SPAG8: variants seen among roughly 807,000 people sequenced by gnomAD.
SPAG8 encodes the protein sperm associated antigen 8.
A neutral mutation model predicts 45.3 loss-of-function variants in SPAG8; 36 were observed. That is an observed-to-expected ratio of 0.80 (90% CI 0.61 to 1.05). The LOEUF is 1.05. Among genes scored for constraint, SPAG8 ranks in the 50% least tolerant of loss-of-function variants. The pLI is 0.00. For synonymous variants in SPAG8, 227 were observed against 232.6 expected, an observed-to-expected ratio of 0.98 and a Z score of 0.22; for missense variants, 573 against 609.2, an observed-to-expected ratio of 0.94 and a Z score of 0.63.
chr9:35,808,731 C>T, downstream of SPAG8: 2 of 1,611,702 alleles, frequency 1.2e-6, no homozygotes, highest in Non-Finnish European at 1.7e-6. This position sits in a 1 kb window ranked among gnomAD's most constrained non-coding sequence, Gnocchi z 4.0. Flanking sequence ...TTCCCAGACT[C>T]TCCCAACCTG....
chr9:35,811,166 G>A lies in SPAG8; in HGVS notation c.864+16C>T, dbSNP rs140134877. ...GGCAGCCTTCAAGAAAAGGGAGCAGGCCAAAACTTTAATACCTCTTCCTCC... is the reference window on the plus strand; with the variant it reads ...GGCAGCCTTCAAGAAAAGGGAGCAGACCAAAACTTTAATACCTCTTCCTCC... On this transcript the variant is annotated intron_variant, in intron 2 of 6. Coordinates refer to ENST00000396638, the MANE Select transcript of SPAG8 (RefSeq NM_001039592.2). The A allele has an allele frequency of 3.7e-4, 571 of 1,557,832 alleles. 4 individuals carry two copies. The East Asian group carries it at 8.9e-3, about 24-fold the overall frequency.
At chr9:35,808,918 A>G (rs1035923541), downstream of SPAG8, 1 of 1,080,968 alleles carries the variant, frequency 9.3e-7, no homozygotes, top group South Asian at 1.2e-5. The surrounding 1 kb of genome is among the most constrained non-coding windows in gnomAD (Gnocchi z 4.0). Context: ...TTCTTTTCAT[A>G]ATCCCTCCAA....
intron 5 of SPAG8, 51 bp from the exon 6 acceptor site, chr9:35,810,360 C>A: frequency 6.2e-7 from 1 of 1,612,942 alleles, no homozygotes; most frequent in Non-Finnish European, 8.5e-7. Flanking sequence ...TCTCTCTCAA[C>A]CTCTGGGCTT....
chr9:35,812,162 T>C lies in SPAG8; in HGVS notation c.-15A>G, dbSNP rs370535759. 2.5e-6 allele frequency: 4 copies of C among 1,603,370 alleles called. No homozygotes were observed. The highest frequency in any genetic ancestry group is 3.4e-6 in the Non-Finnish European group (4 of 1,179,918). ...TTGGTCTCCATCTTCAGACTCCAGC[T>C]ACTGGGTTGCCATAGAGACAGCAAA... On this transcript the variant is annotated 5_prime_UTR_variant, in exon 1 of 7. The change abolishes the stop of an existing upstream ORF in the 5' untranslated region. Coordinates refer to ENST00000396638, the MANE Select transcript of SPAG8 (RefSeq NM_001039592.2).
chr9:35,808,225 T>C (rs1828520978), downstream of SPAG8: 2 of 1,614,234 alleles, frequency 1.2e-6, no homozygotes, highest in South Asian at 2.2e-5. This position sits in a 1 kb window ranked among gnomAD's most constrained non-coding sequence, Gnocchi z 4.0. Context: ...CATTTCCTGA[T>C]GGCAGAGCCT....
downstream of SPAG8, chr9:35,808,166 T>C: frequency 6.2e-7 from 1 of 1,610,148 alleles, no homozygotes; most frequent in Non-Finnish European, 8.5e-7. The surrounding 1 kb of genome is among the most constrained non-coding windows in gnomAD (Gnocchi z 4.0). Context: ...GGGCCTGCTT[T>C]ACCTCCTCAC....
rs758910799 is a variant in SPAG8, at chr9:35,810,695, TG to T, written c.1040-14del. 11 of 1,613,406 alleles carry T rather than the reference TG, an allele frequency of 6.8e-6. No homozygotes were observed. The highest frequency in any genetic ancestry group is 9.3e-6 in the Non-Finnish European group (11 of 1,179,798). On this transcript the variant is annotated splice_polypyrimidine_tract_variant and intron_variant, in intron 3 of 6. Coordinates refer to ENST00000396638, the MANE Select transcript of SPAG8 (RefSeq NM_001039592.2). ...GCTTCACGCTTCCCTGTGAGAGAGT[TG>T]GGGGGTGGGCAAGGTGGGGTCTGGT...
downstream of SPAG8, chr9:35,809,230 G>C: frequency 6.2e-7 from 1 of 1,614,094 alleles, no homozygotes; most frequent in Non-Finnish European, 8.5e-7. The surrounding 1 kb of genome is among the most constrained non-coding windows in gnomAD (Gnocchi z 4.1). Context: ...AGAGCTTCGG[G>C]GGGATGTGGA....
Position 35,811,570 on chromosome 9 carries a change from G to A in SPAG8, c.476C>T (p.Ser159Phe). Residue 159 changes from serine to phenylalanine, a missense_variant, in exon 2 of 7, where the codon TCT becomes TTT. Coordinates refer to ENST00000396638, the MANE Select transcript of SPAG8 (RefSeq NM_001039592.2). The stretch of plus-strand genomic sequence containing the variant: ...AGAGCCACAGCCAGGACCAGAGCCA[G>A]AGCCAGAGCCATGGCCAGCACCTGA... ...SSSGAGHGSG[S>F]GSGPGCGSVP... is the part of the protein sequence containing the mutation. The A allele has an allele frequency of 6.2e-7, 1 of 1,613,216 alleles. No individual in the cohort carries two copies. Among genetic ancestry groups the A allele is most frequent in the Non-Finnish European group, 8.5e-7 (1 of 1,179,504 alleles).
Position 35,811,042 on chromosome 9 carries a change from G to A in SPAG8, c.880C>T (p.Leu294=). 1 of 1,613,516 alleles carries A rather than the reference G, an allele frequency of 6.2e-7. No individual in the cohort carries two copies. Among genetic ancestry groups the A allele is most frequent in the Non-Finnish European group, 8.5e-7 (1 of 1,179,668 alleles). ...TCCTGCATGCTTGGGACTTGATCCAGGTGGTTGGTGGCTCTCTGTGGATCC... is the reference window on the plus strand; with the variant it reads ...TCCTGCATGCTTGGGACTTGATCCAAGTGGTTGGTGGCTCTCTGTGGATCC... ...NWEEERATNH[L]DQVPSMQDGS... is the part of the protein sequence containing the mutation. The change falls in exon 3 of 7, where the codon CTG becomes TTG. Residue 294 remains leucine, a synonymous_variant. Transcript: ENST00000396638.
At chr9:35,810,859 G>A (rs1364115938) in intron 3 of SPAG8, 24 bp downstream of exon 3, 2 of 1,608,910 alleles carry the variant, frequency 1.2e-6, no homozygotes, top group African/African-American at 1.3e-5. Flanking sequence ...GGCTCGTTCT[G>A]GCCTACCCTC....
chr9:35,810,683 C>G lies in SPAG8; in HGVS notation c.1040-1G>C. 6.2e-7 allele frequency: 1 copy of G among 1,614,022 alleles called. No individual in the cohort carries two copies. Among genetic ancestry groups the G allele is most frequent in the Non-Finnish European group, 8.5e-7 (1 of 1,179,958 alleles). ...ATCTCCAGCATGGCTTCACGCTTCCCTGTGAGAGAGTTGGGGGGTGGGCAA... is the reference window on the plus strand; with the variant it reads ...ATCTCCAGCATGGCTTCACGCTTCCGTGTGAGAGAGTTGGGGGGTGGGCAA... On this transcript the variant is annotated splice_acceptor_variant, in intron 3 of 6. Transcript: ENST00000396638. LOFTEE classifies it high-confidence loss of function.
At position 35,812,237 on chromosome 9, in the gene SPAG8, C is replaced by T; in HGVS notation, c.-90G>A. 1.4e-6 allele frequency: 2 copies of T among 1,463,056 alleles called. No homozygotes were observed. The highest frequency in any genetic ancestry group is 1.9e-6 in the Non-Finnish European group (2 of 1,069,752). 90.6% of individuals were successfully genotyped at this position (1,463,056 alleles called of 1,614,324 possible). A position where few individuals can be genotyped will look rare whatever the true frequency, so the allele number is the denominator to read the frequency against. On this transcript the variant is annotated 5_prime_UTR_variant, in exon 1 of 7. Coordinates refer to ENST00000396638, the MANE Select transcript of SPAG8 (RefSeq NM_001039592.2). ...TACAGCTGGGCGGACTTGCAGGTGGCGGTGGAGGCAAGTCCTCTGCGGGGC... is the reference window on the plus strand; with the variant it reads ...TACAGCTGGGCGGACTTGCAGGTGGTGGTGGAGGCAAGTCCTCTGCGGGGC...
chr9:35,809,417 A>G, downstream of SPAG8: 1 of 1,614,114 alleles, frequency 6.2e-7, no homozygotes, highest in Non-Finnish European at 8.5e-7. This position sits in a 1 kb window ranked among gnomAD's most constrained non-coding sequence, Gnocchi z 4.1. Flanking sequence ...CTCTTAGGAG[A>G]GCGGAAAGGA....
In SPAG8 at chr9:35,810,172, C is replaced by A. The variant is rs748658793; in HGVS notation, c.1264-40G>T. 10 of 1,608,260 alleles carry A rather than the reference C, an allele frequency of 6.2e-6. No individual in the cohort carries two copies. The South Asian group carries it at 9.9e-5, about 16-fold the overall frequency. On this transcript the variant is annotated intron_variant, in intron 6 of 6. Coordinates refer to ENST00000396638, the MANE Select transcript of SPAG8 (RefSeq NM_001039592.2). ...GGATGAGGATGGATCCCACTCTCCC[C>A]AAGCCAGAACAAAACAACTCTGCCC... is the stretch of plus-strand genomic sequence containing the variant.
In SPAG8 at chr9:35,812,115, C is replaced by G. The variant is rs1190138473; in HGVS notation, c.33G>C (p.Arg11=). ...GCTGCGGCTCTCACCGCGACCGCGACCGCGATCCCTCCGTAGACTCGTTGG... is the reference window on the plus strand; with the variant it reads ...GCTGCGGCTCTCACCGCGACCGCGAGCGCGATCCCTCCGTAGACTCGTTGG... METNESTEGS[R]SRSRSLDIQP... Residue 11 remains arginine, a synonymous_variant, in exon 1 of 7, where the codon CGG becomes CGC. Transcript: ENST00000396638. The G allele has an allele frequency of 6.2e-7, 1 of 1,608,878 alleles. No homozygotes were observed. The highest frequency in any genetic ancestry group is 1.3e-5 in the African/African-American group (1 of 74,956).
downstream of SPAG8, chr9:35,809,510 T>C (rs1828644069): frequency 1.2e-6 from 2 of 1,611,608 alleles, no homozygotes; most frequent in South Asian, 2.2e-5. This position sits in a 1 kb window ranked among gnomAD's most constrained non-coding sequence, Gnocchi z 4.1. Context: ...ATGGCCACCA[T>C]GTCTGCACAC....
chr9:35,810,101 G>C lies in SPAG8; in HGVS notation c.1295C>G (p.Pro432Arg), dbSNP rs778841385. ...GVSNIRTLDT[P>R]FRKNCSFSTP... ...TGAGAAGCTGCAGTTCTTCCGGAATGGTGTGTCCAATGTCCTGATGTTACT... is the reference window on the plus strand; with the variant it reads ...TGAGAAGCTGCAGTTCTTCCGGAATCGTGTGTCCAATGTCCTGATGTTACT... Residue 432 changes from proline (P) to arginine (R), a missense_variant, in exon 7 of 7, where the codon CCA becomes CGA. Physicochemically the swap from Pro to Arg is moderately radical, Grantham distance 103. Coordinates refer to ENST00000396638, the MANE Select transcript of SPAG8 (RefSeq NM_001039592.2). 6 of 1,612,238 alleles carry C rather than the reference G, an allele frequency of 3.7e-6. No homozygotes were observed. Among genetic ancestry groups the C allele is most frequent in the Non-Finnish European group, 5.1e-6 (6 of 1,178,984 alleles).
Position 35,812,001 on chromosome 9 carries a change from T to C in SPAG8, c.45A>G (p.Arg15=). 2 of 1,603,946 alleles carry C rather than the reference T, an allele frequency of 1.2e-6. No individual in the cohort carries two copies. Among genetic ancestry groups the C allele is most frequent in the Non-Finnish European group, 1.7e-6 (2 of 1,175,020 alleles). ...CGGAGCTGGGCTGTATGTCTAAAGA[T>C]CTGAAAGAAAGCAAACACGACATGG... ...ESTEGSRSRS[R]SLDIQPSSEG... is the part of the protein sequence containing the mutation. The change falls in exon 2 of 7, where the codon CGA becomes CGG. Residue 15 remains arginine, a splice_region_variant and synonymous_variant. Transcript: ENST00000396638.
Sources: gnomAD v4.1 joint callset for allele counts on GRCh38, gnomAD v4.1.1 for gene constraint, Gnocchi (gnomAD v3.1) non-coding constraint, MANE v1.5 for transcripts, NCBI Gene and HGNC (gene_info 2026-07-23, HGNC 2026-07-21) for gene names.